PSMD14: variants seen among roughly 807,000 people sequenced by gnomAD.
The protein encoded by PSMD14 is proteasome 26S subunit, non-ATPase 14, also known as ubiquitin C-terminal hydrolase PSMD14.
A neutral mutation model predicts 41.2 loss-of-function variants in PSMD14; 7 were observed. The ratio of observed to expected loss-of-function variants is 0.17; its 90% CI spans 0.10 to 0.32. The LOEUF is 0.32. PSMD14 is among the 10% of genes least tolerant of loss of function. PSMD14 has a pLI of 1.00. For missense variants in PSMD14, 139 were observed against 375.6 expected, an observed-to-expected ratio of 0.37 and a Z score of 5.21; for synonymous variants, 114 against 122.3, an observed-to-expected ratio of 0.93 and a Z score of 0.45.
Position 161,357,076 on chromosome 2 carries a change from C to CTTTTTTTTT in PSMD14, c.49-10398_49-10390dup, listed in dbSNP as rs71281822. Among the ~76,000 whole-genome samples, 8 of 124,192 alleles carry CTTTTTTTTT rather than the reference C, an allele frequency of 6.4e-5. 1 individual carries two copies. Among genetic ancestry groups the CTTTTTTTTT allele is most frequent in the East Asian group, 2.7e-4 (1 of 3,638 alleles). The allele number at this position is 124,192 out of a possible 152,430, so 81.5% of individuals were successfully genotyped here. The stretch of plus-strand genomic sequence containing the variant: ...TTTATGCTGTTATAATGGCAAATGC[C>CTTTTTTTTT]TTTTTTTTTTTTAGCACTTAGTCAA... On this transcript the variant is annotated intron_variant, in intron 3 of 11. Transcript: ENST00000409682.
At chr2:161,334,092 G>T (rs556215744) in intron 3 of PSMD14, among the ~76,000 whole-genome samples, 1 of 152,264 alleles carries the variant, frequency 6.6e-6, no homozygotes, top group East Asian at 1.9e-4. Context: ...TAGCACTTTG[G>T]GAGGCTGAGG....
intron 9 of PSMD14, among the ~76,000 whole-genome samples, chr2:161,393,454 A>C (rs1162501423): frequency 6.6e-6 from 1 of 152,194 alleles, no homozygotes; most frequent in East Asian, 1.9e-4. Context: ...CCTTGGAGCC[A>C]AAGGAAGGGA....
intron 3 of PSMD14, among the ~76,000 whole-genome samples, chr2:161,330,418 T>C (rs563016806): frequency 6.6e-6 from 1 of 152,194 alleles, no homozygotes; most frequent in South Asian, 2.1e-4. Flanking sequence ...AATCTGTGTT[T>C]TCTTTCCCTA....
chr2:161,338,422 C>A (rs142268352), intron 3 of PSMD14, among the ~76,000 whole-genome samples: 1,808 of 150,902 alleles, frequency 0.012, 28 homozygotes, highest in African/African-American at 0.042. Context: ...CTATTTTTGC[C>A]ATTGATAACC....
intron 9 of PSMD14, among the ~76,000 whole-genome samples, chr2:161,394,025 T>G (rs1487433260): frequency 7.1e-6 from 1 of 140,442 alleles, no homozygotes; most frequent in African/African-American, 2.7e-5. Flanking sequence ...GGCTGGAGTG[T>G]AGTGGCGTGA....
chr2:161,404,230 C>G (rs895176056), intron 10 of PSMD14, among the ~76,000 whole-genome samples: 1 of 151,982 alleles, frequency 6.6e-6, no homozygotes, highest in African/African-American at 2.4e-5. Flanking sequence ...TTTTAATTTC[C>G]TGGTTTTACA....
chr2:161,371,432 GCTGT>G (rs759556182), intron 7 of PSMD14, 110 bp downstream of exon 7: 31 of 1,153,942 alleles, frequency 2.7e-5, no homozygotes, highest in East Asian at 1.0e-4. Flanking sequence ...ACAGAAAGCT[GCTGT>G]CTGTTTACTT....
intron 3 of PSMD14, among the ~76,000 whole-genome samples, chr2:161,348,984 A>AT (rs1372567820): frequency 7.2e-5 from 11 of 152,176 alleles, no homozygotes; most frequent in African/African-American, 2.7e-4. Flanking sequence ...TGCTGCTCAC[A>AT]TACCTGGTTC....
chr2:161,403,589 C>G (rs545292715), intron 10 of PSMD14, among the ~76,000 whole-genome samples: 3 of 152,080 alleles, frequency 2.0e-5, no homozygotes, highest in Non-Finnish European at 1.5e-5. Flanking sequence ...TTTAAAAAGC[C>G]TTTGATGACT....
At chr2:161,361,676 G>A (rs1683291100) in intron 3 of PSMD14, among the ~76,000 whole-genome samples, 1 of 152,096 alleles carries the variant, frequency 6.6e-6, no homozygotes, top group South Asian at 2.1e-4. Flanking sequence ...TAATCTAGAA[G>A]TACAAAGATG....
chr2:161,369,377 A>G (rs186842057), intron 5 of PSMD14, among the ~76,000 whole-genome samples: 13 of 152,100 alleles, frequency 8.5e-5, no homozygotes, highest in Non-Finnish European at 1.8e-4. Context: ...CAGTCCTTTT[A>G]AAGTATATAT....
chr2:161,355,505 A>G (rs1417314661), intron 3 of PSMD14, among the ~76,000 whole-genome samples: 3 of 152,252 alleles, frequency 2.0e-5, no homozygotes, highest in East Asian at 1.9e-4. Flanking sequence ...TTGAAAAGCA[A>G]TGCATCATTA....
chr2:161,332,293 G>C (rs931442967), intron 3 of PSMD14, among the ~76,000 whole-genome samples: 1 of 152,124 alleles, frequency 6.6e-6, no homozygotes, highest in African/African-American at 2.4e-5. Flanking sequence ...TTAAAAGAAG[G>C]TTTACATTTC....
At chr2:161,369,787 T>C (rs1466368607) in intron 5 of PSMD14, among the ~76,000 whole-genome samples, 1 of 152,082 alleles carries the variant, frequency 6.6e-6, no homozygotes, top group African/African-American at 2.4e-5. Flanking sequence ...CATTAGGAAG[T>C]ATGCTTGCCT....
intron 3 of PSMD14, among the ~76,000 whole-genome samples, chr2:161,350,372 A>G (rs905956745): frequency 1.3e-5 from 2 of 152,234 alleles, no homozygotes; most frequent in African/African-American, 4.8e-5. Flanking sequence ...TGGCAATCCT[A>G]TTTGAGGATG....
At chr2:161,389,026 T>A (rs1366979503) in intron 8 of PSMD14, among the ~76,000 whole-genome samples, 1 of 152,206 alleles carries the variant, frequency 6.6e-6, no homozygotes, top group East Asian at 1.9e-4. Flanking sequence ...TTTGTTTTGT[T>A]ATTGTTATAC....
intron 3 of PSMD14, among the ~76,000 whole-genome samples, chr2:161,348,130 A>G (rs1683069946): frequency 6.6e-6 from 1 of 152,238 alleles, no homozygotes; most frequent in Admixed American, 6.5e-5. Flanking sequence ...ATCTGTTAAC[A>G]ATGAAGATTT....
At chr2:161,387,231 A>C (rs1462605878) in intron 8 of PSMD14, among the ~76,000 whole-genome samples, 1 of 152,052 alleles carries the variant, frequency 6.6e-6, no homozygotes, top group African/African-American at 2.4e-5. Context: ...TGACAGAACA[A>C]AGCCACACCT....
At chr2:161,396,376 C>G (rs1446333468) in intron 10 of PSMD14, among the ~76,000 whole-genome samples, 1 of 151,948 alleles carries the variant, frequency 6.6e-6, no homozygotes, top group African/African-American at 2.4e-5. Context: ...TGGAGTCAAC[C>G]TAAGTGTCAA....
Sources: gnomAD v4.1 joint callset for allele counts (sites outside exome capture counted in the v4.1 genomes callset) on GRCh38, gnomAD v4.1.1 for gene constraint, MANE v1.5 for transcripts, NCBI Gene and HGNC (gene_info 2026-07-23, HGNC 2026-07-21) for gene names.